SBF2: variants seen among roughly 807,000 people sequenced by gnomAD.
SBF2 encodes myotubularin-related protein 13.
SBF2 carries 112 observed loss-of-function variants against 225.2 expected under a neutral mutation model. The ratio of observed to expected loss-of-function variants is 0.50; its 90% CI spans 0.43 to 0.58. The LOEUF (loss-of-function observed/expected upper bound fraction) is 0.58. Ranked by LOEUF, SBF2 falls within the 20% of genes least tolerant of loss-of-function variation. The pLI is 0.00. For synonymous variants in SBF2, 763 were observed against 773.3 expected (o/e 0.99, Z 0.22); for missense variants, 1,996 against 2,206.2 (o/e 0.90, Z 1.91).
chr11:9,835,746 C>T (rs771345717), intron 26 of SBF2, among the ~76,000 whole-genome samples: 1 of 149,212 alleles, frequency 6.7e-6, no homozygotes, highest in Non-Finnish European at 1.5e-5. Context: ...TGTTTGGCTT[C>T]TTTTGCTCAA....
chr11:10,239,091 G>A (rs1195239600), intron 1 of SBF2, among the ~76,000 whole-genome samples: 1 of 150,494 alleles, frequency 6.6e-6, no homozygotes, highest in Non-Finnish European at 1.5e-5. Flanking sequence ...TATAATATAT[G>A]TATATTAACA....
intron 1 of SBF2, among the ~76,000 whole-genome samples, chr11:10,236,185 C>T (rs1342767806): frequency 6.6e-6 from 1 of 152,204 alleles, no homozygotes; most frequent in Non-Finnish European, 1.5e-5. Flanking sequence ...AGCTTGGTGG[C>T]TCATGCCTGT....
intron 2 of SBF2, among the ~76,000 whole-genome samples, chr11:10,059,719 A>G (rs1203835794): frequency 6.6e-6 from 1 of 152,230 alleles, no homozygotes. Context: ...AGTCAACACA[A>G]TGAAAATTGC....
chr11:10,140,793 G>C (rs1954607097), intron 2 of SBF2, among the ~76,000 whole-genome samples: 1 of 152,130 alleles, frequency 6.6e-6, no homozygotes, highest in African/African-American at 2.4e-5. Context: ...GTAACCCCAA[G>C]TATATACCAT....
chr11:10,009,636 C>A (rs936920758), intron 6 of SBF2, among the ~76,000 whole-genome samples: 3 of 152,198 alleles, frequency 2.0e-5, no homozygotes, highest in Non-Finnish European at 2.9e-5. Flanking sequence ...ATATGTGCCA[C>A]ATTTTCTTTA....
chr11:9,818,667 G>A (rs1461857760), intron 28 of SBF2, among the ~76,000 whole-genome samples: 5 of 152,052 alleles, frequency 3.3e-5, no homozygotes, highest in Admixed American at 1.3e-4. Flanking sequence ...AAGCATTTAC[G>A]GGGTCAGGAG....
chr11:10,100,609 T>A (rs894974986), intron 2 of SBF2, among the ~76,000 whole-genome samples: 1 of 151,916 alleles, frequency 6.6e-6, no homozygotes, highest in Non-Finnish European at 1.5e-5. Context: ...GGTCATGGAG[T>A]GCTTATAGCT....
At chr11:10,017,993 G>A (rs1565138243) in intron 6 of SBF2, among the ~76,000 whole-genome samples, 2 of 151,938 alleles carry the variant, frequency 1.3e-5, no homozygotes, top group African/African-American at 4.8e-5. Flanking sequence ...GCTTGACTTG[G>A]TTTTTATCTA....
chr11:9,846,950 T>C lies in SBF2; in HGVS notation c.2934+6A>G, dbSNP rs1856591948. The C allele has an allele frequency of 6.2e-7, 1 of 1,613,558 alleles. No individual in the cohort carries two copies. Among genetic ancestry groups the C allele is most frequent in the Non-Finnish European group, 8.5e-7 (1 of 1,179,584 alleles). On this transcript the variant is annotated splice_donor_region_variant and intron_variant, in intron 23 of 39. Coordinates refer to ENST00000256190, the MANE Select transcript of SBF2 (RefSeq NM_030962.4). The stretch of plus-strand genomic sequence containing the variant: ...ATAGTAAAACAATGGCTTCCTTTTT[T>C]AATACCTGAAAAGATGCTGATGTGA...
intron 16 of SBF2, among the ~76,000 whole-genome samples, chr11:9,910,634 T>G (rs1051226980): frequency 6.6e-6 from 1 of 152,064 alleles, no homozygotes; most frequent in African/African-American, 2.4e-5. Flanking sequence ...TGGATGATCC[T>G]GACCCTGTGT....
At chr11:9,907,907 C>T (rs966097356) in intron 16 of SBF2, among the ~76,000 whole-genome samples, 5 of 152,132 alleles carry the variant, frequency 3.3e-5, no homozygotes, top group African/African-American at 1.2e-4. Context: ...TGAAACTGAG[C>T]CTCTCAGAGG....
intron 17 of SBF2, among the ~76,000 whole-genome samples, chr11:9,864,032 A>T (rs1446998526): frequency 2.6e-5 from 4 of 152,208 alleles, no homozygotes; most frequent in African/African-American, 9.7e-5. Context: ...ACAAAACACA[A>T]CTGGCTTATG....
At chr11:10,280,066 T>A (rs564401869) in intron 1 of SBF2, among the ~76,000 whole-genome samples, 99 of 152,354 alleles carry the variant, frequency 6.5e-4, no homozygotes, top group African/African-American at 2.2e-3. Context: ...ATTTGCATTA[T>A]ACTTACTGGT....
chr11:9,979,794 T>C (rs1946859329), intron 13 of SBF2, among the ~76,000 whole-genome samples: 2 of 151,902 alleles, frequency 1.3e-5, no homozygotes, highest in Admixed American at 1.3e-4. Flanking sequence ...TAATTTAAAA[T>C]TGAAATTAAA....
chr11:9,909,312 TTCTC>T (rs951646890), intron 16 of SBF2, among the ~76,000 whole-genome samples: 14 of 146,636 alleles, frequency 9.5e-5, no homozygotes, highest in Admixed American at 5.6e-4. Flanking sequence ...CCCCCATACT[TTCTC>T]TCTTTTTTTT....
At chr11:10,212,388 C>T (rs1474724162) in intron 1 of SBF2, among the ~76,000 whole-genome samples, 1 of 152,138 alleles carries the variant, frequency 6.6e-6, no homozygotes, top group Non-Finnish European at 1.5e-5. Context: ...CAGTATTTGT[C>T]TTCTGATGAA....
intron 26 of SBF2, among the ~76,000 whole-genome samples, chr11:9,833,677 C>T (rs1159778650): frequency 6.6e-6 from 1 of 152,086 alleles, no homozygotes; most frequent in African/African-American, 2.4e-5. Context: ...ACCTTGGCCT[C>T]CCAAAGTGCT....
At chr11:9,958,913 A>T in intron 16 of SBF2, 3 of 678,862 alleles carry the variant, frequency 4.4e-6, no homozygotes, top group Non-Finnish European at 8.2e-6. Flanking sequence ...ATGGGCTATA[A>T]GAGCAGAAAA....
chr11:9,940,239 TAAAAATACAAAAAAA>T (rs1374189442), intron 16 of SBF2, among the ~76,000 whole-genome samples: 1 of 151,990 alleles, frequency 6.6e-6, no homozygotes, highest in Non-Finnish European at 1.5e-5. Context: ...CCGTCTGTAC[TAAAAATACAAAAAAA>T]ATTAGCCGGG....
Sources: allele counts gnomAD v4.1 joint callset (sites outside exome capture counted in the v4.1 genomes callset), GRCh38; gene constraint gnomAD v4.1.1; transcripts MANE v1.5; gene names NCBI Gene and HGNC (gene_info 2026-07-23, HGNC 2026-07-21).